Variants in NSUN7 observed in about 807,000 individuals in gnomAD.
The protein encoded by NSUN7 is NOP2/Sun RNA methyltransferase family member 7.
Under a neutral mutation model 58.5 loss-of-function variants are expected in NSUN7, and 39 were observed. The ratio of observed to expected loss-of-function variants is 0.67; its 90% CI spans 0.52 to 0.87. The LOEUF (loss-of-function observed/expected upper bound fraction) is 0.87, where lower values mean the gene tolerates loss of function less well. Among genes scored for constraint, NSUN7 ranks in the 40% least tolerant of loss-of-function variants. The pLI, the probability that NSUN7 is intolerant of heterozygous loss-of-function variation, is 0.00. For missense variants in NSUN7, 765 were observed against 844.1 expected, an observed-to-expected ratio of 0.91 and a Z score of 1.16; for synonymous variants, 278 against 303.7, an observed-to-expected ratio of 0.92 and a Z score of 0.88.
chr4:40,769,299 C>T (rs1741888442), intron 4 of NSUN7, among the ~76,000 whole-genome samples: 1 of 152,188 alleles, frequency 6.6e-6, no homozygotes, highest in African/African-American at 2.4e-5. Context: ...ATTGTATGGT[C>T]ATGATAGAAT....
chr4:40,752,199 C>T (rs1008913822), intron 2 of NSUN7, among the ~76,000 whole-genome samples: 1 of 152,158 alleles, frequency 6.6e-6, no homozygotes, highest in Admixed American at 6.5e-5. Flanking sequence ...CCTAAAGAGA[C>T]ACCTCAAAAA....
chr4:40,776,338 T>A (rs979304063), intron 7 of NSUN7, 79 bp downstream of exon 7: 17 of 1,001,152 alleles, frequency 1.7e-5, no homozygotes, highest in Non-Finnish European at 2.5e-5. Context: ...AATTTATTAG[T>A]TTTTTTGTAA....
At chr4:40,750,515 C>G (rs1010188087) in intron 1 of NSUN7, 88 bp from the exon 2 acceptor site, 6 of 618,292 alleles carry the variant, frequency 9.7e-6, no homozygotes, top group Non-Finnish European at 1.6e-5. Context: ...AATGCTCCCT[C>G]TTAGTCTTTA....
At chr4:40,796,361 C>T (rs1426142736) in intron 9 of NSUN7, among the ~76,000 whole-genome samples, 2 of 151,852 alleles carry the variant, frequency 1.3e-5, no homozygotes, top group African/African-American at 2.4e-5. Flanking sequence ...AATAAGTGGG[C>T]TAGGCATGGT....
intron 7 of NSUN7, among the ~76,000 whole-genome samples, chr4:40,788,022 A>G (rs924053505): frequency 3.3e-5 from 5 of 152,140 alleles, no homozygotes; most frequent in African/African-American, 9.7e-5. Flanking sequence ...TTTAGTAGAG[A>G]TGGGGTTTCA....
At chr4:40,805,165 T>G (rs1421544047) in intron 10 of NSUN7, among the ~76,000 whole-genome samples, 1 of 152,174 alleles carries the variant, frequency 6.6e-6, no homozygotes. Flanking sequence ...TTTAAGAAAT[T>G]ACCTCAAACT....
chr4:40,792,638 C>T (rs1054543626), intron 8 of NSUN7, among the ~76,000 whole-genome samples: 2 of 152,122 alleles, frequency 1.3e-5, no homozygotes, highest in Non-Finnish European at 1.5e-5. Flanking sequence ...GTAGTCCCAG[C>T]TACTCGGGAG....
At position 40,750,590 on chromosome 4, in the gene NSUN7, T is replaced by G; in HGVS notation, c.-91-13T>G. The G allele has an allele frequency of 7.3e-7, 1 of 1,361,550 alleles. No individual in the cohort carries two copies. Among genetic ancestry groups the G allele is most frequent in the Middle Eastern group, 2.7e-4 (1 of 3,736 alleles). The allele number at this position is 1,361,550 out of a possible 1,614,324, so 84.3% of individuals were successfully genotyped here. ...AAAGAGTGATTTACTGCAATCACCT[T>G]CTCTCTTCACAGAGACCATGCTGCA... On this transcript the variant is annotated splice_polypyrimidine_tract_variant and intron_variant, in intron 1 of 11. Transcript: ENST00000381782.
At chr4:40,777,563 A>T (rs1359228698) in intron 7 of NSUN7, among the ~76,000 whole-genome samples, 2 of 152,066 alleles carry the variant, frequency 1.3e-5, no homozygotes, top group East Asian at 3.9e-4. Flanking sequence ...TGATCCACCC[A>T]TCTTGGCCTC....
At position 40,750,628 on chromosome 4, in the gene NSUN7, G is replaced by A. The variant is rs373447395; in HGVS notation, c.-66G>A. ...AGACCATGCTGCAGATGCGAGGAAA[G>A]CCGTTTCCTGGAACATCGGAATTCT... On this transcript the variant is annotated 5_prime_UTR_variant, in exon 2 of 12. Coordinates refer to ENST00000381782, the MANE Select transcript of NSUN7 (RefSeq NM_024677.6). 1.7e-5 allele frequency: 27 copies of A among 1,558,332 alleles called. No homozygotes were observed. The African/African-American group carries it at 2.2e-4, about 13-fold the overall frequency.
chr4:40,779,381 A>G (rs191197648), intron 7 of NSUN7, among the ~76,000 whole-genome samples: 2,545 of 152,266 alleles, frequency 0.017, 72 homozygotes, highest in African/African-American at 0.058. Flanking sequence ...AGGCTGGCGG[A>G]TCACAAGGTC....
intron 7 of NSUN7, among the ~76,000 whole-genome samples, chr4:40,787,462 A>G (rs2154288441): frequency 6.6e-6 from 1 of 152,320 alleles, no homozygotes; most frequent in East Asian, 1.9e-4. Context: ...ATCACTGCAG[A>G]TCCTAGATAC....
intron 7 of NSUN7, among the ~76,000 whole-genome samples, chr4:40,787,029 A>C (rs1425596234): frequency 7.0e-6 from 1 of 143,518 alleles, no homozygotes; most frequent in Admixed American, 6.9e-5. Context: ...ATAAAACTTT[A>C]AAGAGTGAAA....
intron 7 of NSUN7, chr4:40,776,589 G>T: frequency 5.2e-6 from 1 of 192,248 alleles, no homozygotes; most frequent in Non-Finnish European, 1.1e-5. Flanking sequence ...GTGCTTAAGT[G>T]ACAAAGATAA....
At chr4:40,786,020 A>T in intron 7 of NSUN7, 1 of 1,459,504 alleles carries the variant, frequency 6.9e-7, no homozygotes, top group Non-Finnish European at 9.2e-7. Flanking sequence ...AAGGACAGTT[A>T]GTCAGTCTTA....
At chr4:40,786,047 CAGG>C in intron 7 of NSUN7, 2 of 1,520,240 alleles carry the variant, frequency 1.3e-6, no homozygotes, top group East Asian at 2.3e-5. Context: ...GATCAGTTAC[CAGG>C]AGAAGTTCTA....
At chr4:40,773,165 A>G (rs1742093266) in intron 4 of NSUN7, 1 of 152,228 alleles carries the variant, frequency 6.6e-6, no homozygotes, top group Admixed American at 6.5e-5. Context: ...GCCTATAATG[A>G]GTGCCTGCTA....
At chr4:40,787,447 A>G (rs1019307408) in intron 7 of NSUN7, among the ~76,000 whole-genome samples, 1 of 152,186 alleles carries the variant, frequency 6.6e-6, no homozygotes, top group African/African-American at 2.4e-5. Flanking sequence ...TCAGTTATCA[A>G]TAATATCACT....
chr4:40,809,030 T>C lies in NSUN7; in HGVS notation c.*91T>C. 7.7e-7 allele frequency: 1 copy of C among 1,305,928 alleles called. No homozygotes were observed. The highest frequency in any genetic ancestry group is 1.0e-6 in the Non-Finnish European group (1 of 983,564). 80.9% of individuals were successfully genotyped at this position (1,305,928 alleles called of 1,614,324 possible). A position where few individuals can be genotyped will look rare whatever the true frequency, so the allele number is the denominator to read the frequency against. Reference sequence around the variant, plus strand: ...GAAGATTCTACATCTCTACACAAGATATTCATTCTTTTGGTCACCTAGGGA... The same window carrying C: ...GAAGATTCTACATCTCTACACAAGACATTCATTCTTTTGGTCACCTAGGGA... On this transcript the variant is annotated 3_prime_UTR_variant, in exon 12 of 12. Coordinates refer to ENST00000381782, the MANE Select transcript of NSUN7 (RefSeq NM_024677.6).
Sources: allele counts gnomAD v4.1 joint callset (sites outside exome capture counted in the v4.1 genomes callset), GRCh38; gene constraint gnomAD v4.1.1; transcripts MANE v1.5; gene names NCBI Gene and HGNC (gene_info 2026-07-23, HGNC 2026-07-21).